ELP4: variants seen among roughly 807,000 people sequenced by gnomAD.
ELP4 encodes elongator complex protein 4.
Under a neutral mutation model 48.9 loss-of-function variants are expected in ELP4, and 51 were observed. The ratio of observed to expected loss-of-function variants is 1.04; its 90% CI spans 0.83 to 1.32. The LOEUF (loss-of-function observed/expected upper bound fraction) is 1.32. Among genes scored for constraint, ELP4 ranks in the 40% most tolerant of loss-of-function variants. The pLI is 0.00. For synonymous variants in ELP4, 210 were observed against 189.2 expected (o/e 1.11, Z -0.90); for missense variants, 519 against 514.6 (o/e 1.01, Z -0.08).
At chr11:31,595,866 G>A (rs1957662342) in intron 4 of ELP4, among the ~76,000 whole-genome samples, 1 of 152,030 alleles carries the variant, frequency 6.6e-6, no homozygotes, top group East Asian at 2.0e-4. Flanking sequence ...TACAAAATCT[G>A]TATAATCTAA....
At chr11:31,587,156 C>CT (rs1247338728) in intron 3 of ELP4, among the ~76,000 whole-genome samples, 2 of 152,146 alleles carry the variant, frequency 1.3e-5, no homozygotes, top group Non-Finnish European at 2.9e-5. Context: ...TTTCTTTACT[C>CT]TGTTCACTGC....
At chr11:31,532,866 G>A (rs1956420461) in intron 2 of ELP4, among the ~76,000 whole-genome samples, 3 of 150,038 alleles carry the variant, frequency 2.0e-5, no homozygotes, top group Admixed American at 1.3e-4. Flanking sequence ...CTGCCTTCCG[G>A]ATTTAAGCAA....
rs1285714845 is a variant in ELP4 at position 31,784,697 on chromosome 11, CA to C, written c.*1175del. 35 of 159,686 alleles carry C rather than the reference CA, an allele frequency of 2.2e-4. No individual in the cohort carries two copies. Among genetic ancestry groups the C allele is most frequent in the Non-Finnish European group, 8.3e-5 (6 of 72,528 alleles). The allele number at this position is 159,686 out of a possible 1,614,324, so 9.9% of individuals were successfully genotyped here. ...CAAATTATACTTTATTTGTTCTTGA[CA>C]ACATTGTAGAAAACAAAGACTAGGT... On this transcript the variant is annotated 3_prime_UTR_variant, in exon 10 of 10. Coordinates refer to ENST00000640961, the MANE Select transcript of ELP4 (RefSeq NM_019040.5).
chr11:31,735,601 T>C (rs575307967), intron 9 of ELP4, among the ~76,000 whole-genome samples: 61 of 152,252 alleles, frequency 4.0e-4, no homozygotes, highest in African/African-American at 1.4e-3. Flanking sequence ...AAAATCTCCT[T>C]AAGCTGATAA....
chr11:31,594,371 A>G (rs7481483), intron 3 of ELP4, among the ~76,000 whole-genome samples: 138,793 of 152,148 alleles, frequency 0.91, 64,341 homozygotes, highest in South Asian at 1. Flanking sequence ...TTACAAACCA[A>G]TAAGCAGATT....
At chr11:31,551,719 G>A (rs1168996782) in intron 3 of ELP4, among the ~76,000 whole-genome samples, 5 of 152,006 alleles carry the variant, frequency 3.3e-5, no homozygotes, top group Non-Finnish European at 7.4e-5. Context: ...CCTGAATAAA[G>A]CTATTTCTAA....
intron 3 of ELP4, among the ~76,000 whole-genome samples, chr11:31,548,800 G>C (rs1343357387): frequency 6.6e-6 from 1 of 152,150 alleles, no homozygotes; most frequent in Non-Finnish European, 1.5e-5. Context: ...ATAGATCAAT[G>C]GAACAGAACA....
At chr11:31,645,069 ATAAC>A (rs1233733574) in intron 7 of ELP4, among the ~76,000 whole-genome samples, 1 of 151,788 alleles carries the variant, frequency 6.6e-6, no homozygotes, top group Non-Finnish European at 1.5e-5. Flanking sequence ...GTGAAACTAT[ATAAC>A]TAATTTTATG....
intron 9 of ELP4, among the ~76,000 whole-genome samples, chr11:31,732,479 A>AT (rs1273834091): frequency 1.3e-5 from 2 of 151,538 alleles, no homozygotes; most frequent in Non-Finnish European, 1.5e-5. Context: ...TAAAAAAAAA[A>AT]AAAATAAATG....
intron 9 of ELP4, among the ~76,000 whole-genome samples, chr11:31,720,817 C>T (rs976754005): frequency 3.1e-4 from 47 of 152,110 alleles, no homozygotes; most frequent in South Asian, 4.1e-4. Flanking sequence ...TAAGCAGATT[C>T]GCACTGCAAG....
chr11:31,629,312 T>C (rs779932910), intron 6 of ELP4, among the ~76,000 whole-genome samples: 1 of 152,140 alleles, frequency 6.6e-6, no homozygotes, highest in South Asian at 2.1e-4. Context: ...TTTAATCTTA[T>C]GCCACACAGT....
At chr11:31,532,645 A>G (rs1199568278) in intron 2 of ELP4, among the ~76,000 whole-genome samples, 1 of 152,132 alleles carries the variant, frequency 6.6e-6, no homozygotes, top group Non-Finnish European at 1.5e-5. Context: ...TCTTCTAATT[A>G]AATAGTTTAG....
At chr11:31,627,258 G>GT (rs1309739673) in intron 6 of ELP4, 64 bp downstream of exon 6, 1 of 249,198 alleles carries the variant, frequency 4.0e-6, no homozygotes, top group African/African-American at 2.6e-5. Flanking sequence ...ATTCTCTGGG[G>GT]GGGGGGGCGG....
rs899252105 is a variant in ELP4, at chr11:31,779,531, A to G, written c.1144-3862A>G. On this transcript the variant is annotated intron_variant, in intron 9 of 9. Coordinates refer to ENST00000640961, the MANE Select transcript of ELP4 (RefSeq NM_019040.5). The stretch of plus-strand genomic sequence containing the variant: ...AACAAAGAGACGGAGAGGCAAGTAG[A>G]GGGGAAAGAATCTCAAAGTCCAGCT... 4.6e-5 allele frequency among the ~76,000 whole-genome samples: 7 copies of G among 152,298 alleles called. No homozygotes were observed. The East Asian group carries it at 1.3e-3, about 29-fold the overall frequency.
At chr11:31,510,302 A>T (rs1955964528) in intron 1 of ELP4, 4 of 527,992 alleles carry the variant, frequency 7.6e-6, no homozygotes, top group Admixed American at 3.2e-5. Context: ...TTTCTAGTCA[A>T]GGGAAGACAT....
chr11:31,563,614 G>A (rs1565055127), intron 3 of ELP4, among the ~76,000 whole-genome samples: 1 of 152,006 alleles, frequency 6.6e-6, no homozygotes. Context: ...AAAAACTGTT[G>A]TTTTGTTGAA....
At chr11:31,717,901 A>G (rs1946873771) in intron 9 of ELP4, among the ~76,000 whole-genome samples, 1 of 152,172 alleles carries the variant, frequency 6.6e-6, no homozygotes, top group African/African-American at 2.4e-5. Flanking sequence ...ACCTGGGAAT[A>G]TATTAGTTTT....
chr11:31,553,084 T>A (rs1318115359), intron 3 of ELP4, among the ~76,000 whole-genome samples: 1 of 152,196 alleles, frequency 6.6e-6, no homozygotes, highest in Non-Finnish European at 1.5e-5. Context: ...ATAATCCTGT[T>A]AGCTGCCTTA....
intron 9 of ELP4, among the ~76,000 whole-genome samples, chr11:31,726,365 AT>A (rs1947075770): frequency 6.6e-6 from 1 of 152,150 alleles, no homozygotes; most frequent in Non-Finnish European, 1.5e-5. Flanking sequence ...GGGAACTGGT[AT>A]TATAGCAATT....
Sources: allele counts gnomAD v4.1 joint callset (sites outside exome capture counted in the v4.1 genomes callset), GRCh38; gene constraint gnomAD v4.1.1; transcripts MANE v1.5; gene names NCBI Gene and HGNC (gene_info 2026-07-23, HGNC 2026-07-21).